The following GPR158 variants were observed in gnomAD, a reference collection of about 807,000 sequenced individuals.
GPR158 encodes the protein G protein-coupled receptor 158.
In GPR158, 30 loss-of-function variants were observed where a neutral mutation model predicts 78.2. That is an observed-to-expected ratio of 0.38 (90% CI 0.29 to 0.52). The LOEUF is 0.52. GPR158 is among the 20% of genes least tolerant of loss of function. GPR158 has a pLI of 0.83. For missense variants in GPR158, 1,463 were observed against 1,523.5 expected (o/e 0.96, Z 0.66); for synonymous variants, 581 against 591.1 (o/e 0.98, Z 0.25).
At chr10:25,309,655 A>G (rs569375380) in intron 2 of GPR158, among the ~76,000 whole-genome samples, 182 of 152,012 alleles carry the variant, frequency 1.2e-3, no homozygotes, top group Non-Finnish European at 2.3e-3. Context: ...CATAATCCCC[A>G]TGTGTCATGG....
At chr10:25,444,257 T>G (rs1588867155) in intron 4 of GPR158, among the ~76,000 whole-genome samples, 2 of 134,742 alleles carry the variant, frequency 1.5e-5, no homozygotes, top group South Asian at 2.6e-4. Flanking sequence ...TGTGTGTTTG[T>G]GGGGGAGGGG....
At chr10:25,202,763 TA>T (rs1466792304) in intron 1 of GPR158, among the ~76,000 whole-genome samples, 1 of 152,218 alleles carries the variant, frequency 6.6e-6, no homozygotes, top group African/African-American at 2.4e-5. Flanking sequence ...CCTTTGGGCA[TA>T]TACCCAGTAA....
rs1837493201 is a variant in GPR158 at position 25,601,213 on chromosome 10, C to G, written c.*1939C>G. On this transcript the variant is annotated 3_prime_UTR_variant, in exon 11 of 11. Coordinates refer to ENST00000376351, the MANE Select transcript of GPR158 (RefSeq NM_020752.3). ...ATTTTTTTATTCAGGAGTAAGCAAG[C>G]ACTTCACTGTTTCACAAAGCTGTGC... 6.6e-6 allele frequency: 1 copy of G among 152,596 alleles called. No homozygotes were observed. Among genetic ancestry groups the G allele is most frequent in the Non-Finnish European group, 1.5e-5 (1 of 68,044 alleles). 9.5% of individuals were successfully genotyped at this position (152,596 alleles called of 1,614,324 possible).
chr10:25,470,273 C>T (rs1835480515), intron 5 of GPR158, among the ~76,000 whole-genome samples: 1 of 152,108 alleles, frequency 6.6e-6, no homozygotes, highest in East Asian at 1.9e-4. Context: ...AACTTAATCT[C>T]CAATGCAATG....
rs141920901 is a variant in GPR158 at position 25,285,171 on chromosome 10, G to A, written c.1008+64014G>A. Among the ~76,000 whole-genome samples the A allele has an allele frequency of 7.2e-5, 11 of 151,990 alleles. No individual in the cohort carries two copies. The East Asian group carries it at 1.9e-3, about 27-fold the overall frequency. On this transcript the variant is annotated intron_variant, in intron 2 of 10. Transcript: ENST00000376351. ...GAACTCTTTTAATATTGTTTTTAGT[G>A]TAGGTATTGTATTAGCCAGAGTTTT...
chr10:25,420,634 T>C (rs1834736903), intron 4 of GPR158, among the ~76,000 whole-genome samples: 2 of 152,286 alleles, frequency 1.3e-5, no homozygotes, highest in East Asian at 3.9e-4. Flanking sequence ...TGAGTTAATT[T>C]TTATGTATAG....
chr10:25,263,998 C>CT (rs1228609501), intron 2 of GPR158, among the ~76,000 whole-genome samples: 7 of 152,102 alleles, frequency 4.6e-5, no homozygotes, highest in African/African-American at 9.7e-5. Flanking sequence ...CCTTTGGAGA[C>CT]TTTTTTTATT....
intron 2 of GPR158, among the ~76,000 whole-genome samples, chr10:25,247,044 G>C (rs1358186388): frequency 6.6e-6 from 1 of 152,180 alleles, no homozygotes; most frequent in Non-Finnish European, 1.5e-5. Flanking sequence ...TGGAGGTTTT[G>C]AGGAATGTGT....
At chr10:25,285,402 C>G (rs904073016) in intron 2 of GPR158, among the ~76,000 whole-genome samples, 1 of 152,056 alleles carries the variant, frequency 6.6e-6, no homozygotes, top group Admixed American at 6.6e-5. Context: ...ACAGGCTGTT[C>G]TCTAAGCTGG....
intron 5 of GPR158, among the ~76,000 whole-genome samples, chr10:25,538,669 C>G (rs1297329673): frequency 1.3e-5 from 2 of 152,196 alleles, no homozygotes; most frequent in African/African-American, 4.8e-5. Flanking sequence ...GTCACGGTGC[C>G]TGGCTACACA....
At chr10:25,587,591 T>C (rs1837284636) in intron 7 of GPR158, among the ~76,000 whole-genome samples, 1 of 152,160 alleles carries the variant, frequency 6.6e-6, no homozygotes, top group African/African-American at 2.4e-5. Context: ...CATGAAAATC[T>C]CAGAGTTACC....
chr10:25,526,156 A>G (rs2130688270), intron 5 of GPR158, among the ~76,000 whole-genome samples: 1 of 151,640 alleles, frequency 6.6e-6, no homozygotes, highest in East Asian at 1.9e-4. Flanking sequence ...GGTTCTAATA[A>G]CTGAGCAGTT....
At chr10:25,335,346 G>T (rs1038751701) in intron 2 of GPR158, among the ~76,000 whole-genome samples, 5 of 151,986 alleles carry the variant, frequency 3.3e-5, no homozygotes, top group African/African-American at 4.8e-5. Context: ...AAATATCTAG[G>T]CTTATGAAGT....
intron 6 of GPR158, among the ~76,000 whole-genome samples, chr10:25,555,473 C>A (rs1836776816): frequency 6.6e-6 from 1 of 152,120 alleles, no homozygotes; most frequent in African/African-American, 2.4e-5. Flanking sequence ...TGATGTGGGG[C>A]AGATCTAAAA....
At chr10:25,252,006 C>T (rs1323534148) in intron 2 of GPR158, among the ~76,000 whole-genome samples, 1 of 151,422 alleles carries the variant, frequency 6.6e-6, no homozygotes, top group African/African-American at 2.4e-5. Flanking sequence ...GGAGGCTTTG[C>T]TCATTTCTTT....
intron 6 of GPR158, among the ~76,000 whole-genome samples, chr10:25,561,180 C>T (rs1414309853): frequency 6.6e-6 from 1 of 152,044 alleles, no homozygotes; most frequent in Non-Finnish European, 1.5e-5. Flanking sequence ...ATGCAACCAT[C>T]TGTAATAAAT....
chr10:25,319,953 C>T (rs200629327), intron 2 of GPR158, among the ~76,000 whole-genome samples: 1 of 151,954 alleles, frequency 6.6e-6, no homozygotes, highest in African/African-American at 2.4e-5. Flanking sequence ...CTAACTTGAA[C>T]TTTGGGATTG....
intron 2 of GPR158, among the ~76,000 whole-genome samples, chr10:25,367,513 G>A (rs971065985): frequency 6.6e-6 from 1 of 151,588 alleles, no homozygotes; most frequent in Admixed American, 6.6e-5. Flanking sequence ...ACAAAATTTG[G>A]GCTTAGTTTG....
intron 2 of GPR158, among the ~76,000 whole-genome samples, chr10:25,277,459 GA>G (rs57381086): frequency 6.6e-6 from 1 of 151,344 alleles, no homozygotes; most frequent in Non-Finnish European, 1.5e-5. Flanking sequence ...GACTTTGGGG[GA>G]AAAAAGCAAA....
Sources: gnomAD v4.1 joint callset for allele counts (sites outside exome capture counted in the v4.1 genomes callset) on GRCh38, gnomAD v4.1.1 for gene constraint, MANE v1.5 for transcripts, NCBI Gene and HGNC (gene_info 2026-07-23, HGNC 2026-07-21) for gene names.